The following COL4A2 variants were observed in gnomAD, a reference collection of about 807,000 sequenced individuals.
COL4A2 encodes the protein collagen alpha-2(IV) chain.
COL4A2 carries 99 observed loss-of-function variants against 200.2 expected under a neutral mutation model. The observed-to-expected ratio is 0.49, with a 90% CI of 0.42 to 0.58. COL4A2 has a LOEUF of 0.58. Ranked by LOEUF, COL4A2 falls within the 20% of genes least tolerant of loss-of-function variation. The pLI is 0.00. For synonymous variants in COL4A2, 897 were observed against 900.6 expected (o/e 1.00, Z 0.07); for missense variants, 1,950 against 2,314.1 (o/e 0.84, Z 3.23).
chr13:110,386,219 G>A (rs1183268597), intron 4 of COL4A2, among the ~76,000 whole-genome samples: 1 of 152,208 alleles, frequency 6.6e-6, no homozygotes, highest in Admixed American at 6.5e-5. Context: ...ACTGGTTAAA[G>A]TGTGTAGAGT....
chr13:110,313,093 T>C (rs562111585), intron 3 of COL4A2, among the ~76,000 whole-genome samples: 1 of 152,148 alleles, frequency 6.6e-6, no homozygotes, highest in South Asian at 2.1e-4. Flanking sequence ...GAAATCAATA[T>C]GCCACATGGG....
intron 4 of COL4A2, among the ~76,000 whole-genome samples, chr13:110,379,880 T>C (rs1291988279): frequency 6.6e-6 from 1 of 152,114 alleles, no homozygotes; most frequent in Non-Finnish European, 1.5e-5. Context: ...AAGGACTTAC[T>C]TAGCAACCCG....
chr13:110,329,148 T>G (rs1443766953), intron 3 of COL4A2, among the ~76,000 whole-genome samples: 1 of 152,194 alleles, frequency 6.6e-6, no homozygotes, highest in African/African-American at 2.4e-5. Flanking sequence ...ATGGAGAAGT[T>G]TAGACCTTTA....
At chr13:110,414,085 G>A (rs986068474) in intron 4 of COL4A2, among the ~76,000 whole-genome samples, 4 of 152,248 alleles carry the variant, frequency 2.6e-5, no homozygotes, top group African/African-American at 9.6e-5. Context: ...TGAGGCAGGA[G>A]GATGACTTGA....
At chr13:110,414,982 G>A (rs1207076414) in intron 4 of COL4A2, among the ~76,000 whole-genome samples, 1 of 152,190 alleles carries the variant, frequency 6.6e-6, no homozygotes, top group African/African-American at 2.4e-5. Context: ...AGCACTCTGG[G>A]GGAATCTCAG....
intron 21 of COL4A2, chr13:110,457,771 T>C: frequency 2.0e-6 from 1 of 492,382 alleles, no homozygotes; most frequent in South Asian, 1.5e-5. Context: ...AGGTAGTGTC[T>C]CAAGGGCTCA....
At chr13:110,410,845 TG>T (rs1197535281) in intron 4 of COL4A2, among the ~76,000 whole-genome samples, 2 of 152,158 alleles carry the variant, frequency 1.3e-5, no homozygotes, top group Admixed American at 6.5e-5. Flanking sequence ...CTGGCAGAGC[TG>T]GGATTCAACC....
intron 4 of COL4A2, among the ~76,000 whole-genome samples, chr13:110,402,660 C>T (rs996272326): frequency 2.6e-5 from 4 of 152,212 alleles, no homozygotes; most frequent in African/African-American, 9.6e-5. Flanking sequence ...GGTGTTCTGA[C>T]AGACTGAGGC....
rs10686508 is a variant in COL4A2 at position 110,452,120 on chromosome 13, T to TTTTGTTTGTTTGTTTGTTTG, written c.1339+1678_1339+1697dup. ...TTTCAGTAACAGGTCAAAGTCTCTG[T>TTTTGTTTGTTTGTTTGTTTG]TTTGTTTGTTTGTTTGTTTGTTTGT... On this transcript the variant is annotated intron_variant, in intron 20 of 47. Coordinates refer to ENST00000360467, the MANE Select transcript of COL4A2 (RefSeq NM_001846.4). Among the ~76,000 whole-genome samples, 83 of 151,394 alleles carry TTTTGTTTGTTTGTTTGTTTG rather than the reference T, an allele frequency of 5.5e-4. 1 individual carries two copies. The highest frequency in any genetic ancestry group is 1.9e-3 in the African/African-American group (80 of 41,228).
chr13:110,465,914 CA>C, intron 25 of COL4A2, 88 bp from the exon 26 acceptor site: 1 of 1,476,862 alleles, frequency 6.8e-7, no homozygotes, highest in Admixed American at 1.9e-5. Flanking sequence ...ATATACGACA[CA>C]CCTTCACACA....
At chr13:110,398,852 GA>G (rs1215722751) in intron 4 of COL4A2, among the ~76,000 whole-genome samples, 1 of 151,876 alleles carries the variant, frequency 6.6e-6, no homozygotes, top group Non-Finnish European at 1.5e-5. Context: ...AATTTAGGTT[GA>G]TTTTTTTTTA....
intron 10 of COL4A2, 147 bp downstream of exon 10, chr13:110,430,754 G>A (rs762651337): frequency 3.0e-5 from 33 of 1,117,704 alleles, no homozygotes; most frequent in South Asian, 2.7e-4. Context: ...AAGACAAAAC[G>A]GACCATTCCT....
intron 4 of COL4A2, among the ~76,000 whole-genome samples, chr13:110,372,070 A>T (rs1480691516): frequency 6.6e-6 from 1 of 152,116 alleles, no homozygotes; most frequent in African/African-American, 2.4e-5. Flanking sequence ...GGGGGTTTCC[A>T]ATTGTCCTTA....
chr13:110,381,419 C>G (rs1451631149), intron 4 of COL4A2, among the ~76,000 whole-genome samples: 2 of 152,234 alleles, frequency 1.3e-5, no homozygotes, highest in Admixed American at 1.3e-4. Context: ...AAAAATGATT[C>G]TTTAAAAATC....
At chr13:110,472,904 G>A in intron 28 of COL4A2, 25 bp from the exon 29 acceptor site, 1 of 1,543,870 alleles carries the variant, frequency 6.5e-7, no homozygotes, top group Non-Finnish European at 8.8e-7. Context: ...CTTGTGGTTT[G>A]GGGCCCACCC....
At chr13:110,427,714 T>C (rs1465033382) in intron 6 of COL4A2, among the ~76,000 whole-genome samples, 1 of 152,246 alleles carries the variant, frequency 6.6e-6, no homozygotes, top group East Asian at 1.9e-4. Flanking sequence ...CTTAATGCAG[T>C]GAAGATGCCC....
At chr13:110,344,808 C>T (rs1268715962) in intron 3 of COL4A2, among the ~76,000 whole-genome samples, 1 of 152,198 alleles carries the variant, frequency 6.6e-6, no homozygotes, top group Admixed American at 6.5e-5. Context: ...GAAACTATGC[C>T]ATCACTTTTC....
chr13:110,495,525 G>T, intron 40 of COL4A2, 58 bp downstream of exon 40: 1 of 1,581,430 alleles, frequency 6.3e-7, no homozygotes. Context: ...CCCACCCAGA[G>T]GTGGGGCCAT....
intron 47 of COL4A2, among the ~76,000 whole-genome samples, chr13:110,509,270 T>TATATACACAC (rs1435137108): frequency 5.2e-5 from 6 of 115,600 alleles, no homozygotes; most frequent in African/African-American, 2.1e-4. Flanking sequence ...TATATATATA[T>TATATACACAC]ACACACACAC....
Sources: allele counts gnomAD v4.1 joint callset (sites outside exome capture counted in the v4.1 genomes callset), GRCh38; gene constraint gnomAD v4.1.1; transcripts MANE v1.5; gene names NCBI Gene and HGNC (gene_info 2026-07-23, HGNC 2026-07-21).